The following GRID1 variants were observed in gnomAD, a reference collection of about 807,000 sequenced individuals.
The protein encoded by GRID1 is glutamate ionotropic receptor delta type subunit 1, also known as glutamate receptor ionotropic, delta-1.
In GRID1, 28 loss-of-function variants were observed where a neutral mutation model predicts 98.0. That is an observed-to-expected ratio of 0.29 (90% CI 0.21 to 0.39). The LOEUF is 0.39. Among genes scored for constraint, GRID1 ranks in the 10% least tolerant of loss-of-function variants. The pLI is 1.00. For synonymous variants in GRID1, 553 were observed against 538.5 expected (o/e 1.03, Z -0.37); for missense variants, 1,111 against 1,340.5 (o/e 0.83, Z 2.67).
chr10:85,645,316 A>G (rs2132550113), intron 13 of GRID1, among the ~76,000 whole-genome samples: 1 of 152,370 alleles, frequency 6.6e-6, no homozygotes, highest in South Asian at 2.1e-4. Flanking sequence ...AAGGCCTTAA[A>G]TCAACATTGT....
At chr10:85,968,555 TA>T (rs1314120147) in intron 4 of GRID1, among the ~76,000 whole-genome samples, 1 of 149,810 alleles carries the variant, frequency 6.7e-6, no homozygotes, top group African/African-American at 2.5e-5. Context: ...AACAATAATA[TA>T]AAGAAGGGGG....
At chr10:85,863,881 A>G (rs1843189760) in intron 6 of GRID1, among the ~76,000 whole-genome samples, 2 of 152,216 alleles carry the variant, frequency 1.3e-5, no homozygotes, top group South Asian at 2.1e-4. Context: ...ATTGTTGTGC[A>G]TCCGCATTAT....
intron 3 of GRID1, among the ~76,000 whole-genome samples, chr10:86,175,800 C>T (rs916704362): frequency 4.6e-5 from 7 of 152,142 alleles, no homozygotes; most frequent in Non-Finnish European, 2.9e-5. Context: ...ATCTCCGCCT[C>T]CCGGGTTCAA....
At chr10:85,857,520 T>A (rs946546608) in intron 6 of GRID1, among the ~76,000 whole-genome samples, 1 of 151,764 alleles carries the variant, frequency 6.6e-6, no homozygotes, top group African/African-American at 2.4e-5. Flanking sequence ...CAGCCCTCCA[T>A]GGGGACATTG....
At chr10:86,273,780 T>C (rs1340985166) in intron 2 of GRID1, among the ~76,000 whole-genome samples, 1 of 152,156 alleles carries the variant, frequency 6.6e-6, no homozygotes, top group Non-Finnish European at 1.5e-5. Flanking sequence ...TCTTGTAAAT[T>C]TGTTTGAGTT....
chr10:86,312,301 G>C (rs1847841889), intron 2 of GRID1, among the ~76,000 whole-genome samples: 1 of 152,212 alleles, frequency 6.6e-6, no homozygotes, highest in African/African-American at 2.4e-5. Flanking sequence ...TGGAGGAAAT[G>C]CACTCTTTGG....
chr10:85,836,345 G>A (rs1400200865), intron 8 of GRID1, among the ~76,000 whole-genome samples: 3 of 152,142 alleles, frequency 2.0e-5, no homozygotes, highest in Non-Finnish European at 4.4e-5. Flanking sequence ...GATCTTCAGA[G>A]GGAAGGCACC....
At chr10:85,841,777 T>A (rs1842963405) in intron 8 of GRID1, among the ~76,000 whole-genome samples, 1 of 152,058 alleles carries the variant, frequency 6.6e-6, no homozygotes, top group Admixed American at 6.6e-5. Context: ...CACAATGAGA[T>A]ACCATCTCAC....
Position 85,952,119 on chromosome 10 carries a change from T to A in GRID1, c.727-35880A>T, listed in dbSNP as rs1016910035. On this transcript the variant is annotated intron_variant, in intron 4 of 15. Coordinates refer to ENST00000327946, the MANE Select transcript of GRID1 (RefSeq NM_017551.3). ...ACTTACGTCGATTCTCCTTTCTGTC[T>A]CTTATAGCACAGTGCCTACATGGGA... is the stretch of plus-strand genomic sequence containing the variant. Among the ~76,000 whole-genome samples the A allele has an allele frequency of 2.6e-5, 4 of 152,360 alleles. No individual in the cohort carries two copies. The South Asian group carries it at 8.3e-4, about 32-fold the overall frequency.
At chr10:86,360,438 A>G (rs1035582822) in intron 2 of GRID1, among the ~76,000 whole-genome samples, 2 of 152,222 alleles carry the variant, frequency 1.3e-5, no homozygotes, top group Non-Finnish European at 2.9e-5. Flanking sequence ...TAATAAGCAC[A>G]CATTGCCCTT....
At chr10:86,131,001 G>A (rs747518351) in intron 4 of GRID1, among the ~76,000 whole-genome samples, 9 of 151,396 alleles carry the variant, frequency 5.9e-5, no homozygotes, top group South Asian at 2.1e-4. Context: ...CACGTCCTGC[G>A]AGTGGGGTCA....
intron 4 of GRID1, among the ~76,000 whole-genome samples, chr10:86,113,928 C>A (rs920547120): frequency 1.3e-5 from 2 of 152,226 alleles, no homozygotes; most frequent in African/African-American, 2.4e-5. Flanking sequence ...AGCTACCCAA[C>A]AACAAAATAG....
At chr10:85,772,185 A>G (rs1842276794) in intron 8 of GRID1, among the ~76,000 whole-genome samples, 1 of 152,114 alleles carries the variant, frequency 6.6e-6, no homozygotes, top group Non-Finnish European at 1.5e-5. Context: ...AAACCACTCA[A>G]CTACATGGAA....
At chr10:86,180,775 G>A (rs1181078526) in intron 3 of GRID1, among the ~76,000 whole-genome samples, 1 of 152,116 alleles carries the variant, frequency 6.6e-6, no homozygotes, top group Non-Finnish European at 1.5e-5. Context: ...CCAGGCCCGG[G>A]AACTGGGCTG....
chr10:85,958,281 C>T (rs936117678), intron 4 of GRID1, among the ~76,000 whole-genome samples: 2 of 152,224 alleles, frequency 1.3e-5, no homozygotes, highest in African/African-American at 2.4e-5. Context: ...AAGTCACAAA[C>T]TACCTGCCCC....
At chr10:86,171,354 G>C (rs1845484417) in intron 3 of GRID1, among the ~76,000 whole-genome samples, 1 of 152,212 alleles carries the variant, frequency 6.6e-6, no homozygotes, top group Non-Finnish European at 1.5e-5. Context: ...ATCCCCAAGT[G>C]CAAGGCCAAC....
chr10:86,037,285 T>A (rs1843278619), intron 4 of GRID1, among the ~76,000 whole-genome samples: 1 of 152,092 alleles, frequency 6.6e-6, no homozygotes, highest in Non-Finnish European at 1.5e-5. Context: ...TGGTATGAAA[T>A]AAGGGAACAT....
intron 2 of GRID1, among the ~76,000 whole-genome samples, chr10:86,305,647 G>A (rs1704906130): frequency 6.6e-6 from 1 of 152,140 alleles, no homozygotes; most frequent in Non-Finnish European, 1.5e-5. Context: ...CACCATAATA[G>A]GAGGAGTGGC....
chr10:86,216,827 T>C (rs901387635), intron 2 of GRID1, among the ~76,000 whole-genome samples: 4 of 152,044 alleles, frequency 2.6e-5, no homozygotes, highest in African/African-American at 9.7e-5. Flanking sequence ...TCTGAGGAGC[T>C]CGGCTATGCC....
Sources: allele counts gnomAD v4.1 joint callset (sites outside exome capture counted in the v4.1 genomes callset), GRCh38; gene constraint gnomAD v4.1.1; transcripts MANE v1.5; gene names NCBI Gene and HGNC (gene_info 2026-07-23, HGNC 2026-07-21).